CSNK1G3: variants seen among roughly 807,000 people sequenced by gnomAD.
CSNK1G3 encodes casein kinase 1 gamma 3, also known as casein kinase I isoform gamma-3.
Under a neutral mutation model 64.3 loss-of-function variants are expected in CSNK1G3, and 23 were observed. The ratio of observed to expected loss-of-function variants is 0.36; its 90% CI spans 0.26 to 0.51. CSNK1G3 has a LOEUF of 0.51. Ranked by LOEUF, CSNK1G3 falls within the 20% of genes least tolerant of loss-of-function variation. The pLI, the probability that CSNK1G3 is intolerant of heterozygous loss-of-function variation, is 0.96. For synonymous variants in CSNK1G3, 158 were observed against 162.2 expected (o/e 0.97, Z 0.20); for missense variants, 357 against 510.5 (o/e 0.70, Z 2.90).
At chr5:123,528,806 A>G (rs1040726922) in intron 1 of CSNK1G3, among the ~76,000 whole-genome samples, 1 of 152,138 alleles carries the variant, frequency 6.6e-6, no homozygotes. Context: ...CTCATTATTC[A>G]TAGATTCCAT....
At chr5:123,537,921 AG>A (rs1463747492) in intron 1 of CSNK1G3, among the ~76,000 whole-genome samples, 1 of 152,210 alleles carries the variant, frequency 6.6e-6, no homozygotes, top group African/African-American at 2.4e-5. Flanking sequence ...AAATATAACT[AG>A]AATCATGTAA....
chr5:123,538,015 G>A (rs116408625), intron 1 of CSNK1G3, among the ~76,000 whole-genome samples: 147 of 152,170 alleles, frequency 9.7e-4, no homozygotes, highest in Non-Finnish European at 1.4e-3. Flanking sequence ...TCAGCAGTTC[G>A]TTCCTTTTTA....
intron 11 of CSNK1G3, 22 bp from the exon 13 acceptor site, chr5:123,605,313 ATTTT>A: frequency 8.4e-7 from 1 of 1,195,728 alleles, no homozygotes; most frequent in Non-Finnish European, 1.2e-6. Context: ...TTTTCCTTGT[ATTTT>A]TTTTTTTGTG....
chr5:123,583,188 C>G (rs1790641659), intron 6 of CSNK1G3, among the ~76,000 whole-genome samples: 1 of 152,094 alleles, frequency 6.6e-6, no homozygotes, highest in Admixed American at 6.6e-5. Flanking sequence ...GCTCAGCATA[C>G]TTTTACATGT....
intron 1 of CSNK1G3, among the ~76,000 whole-genome samples, chr5:123,517,240 G>C (rs1257134817): frequency 1.3e-5 from 2 of 152,142 alleles, no homozygotes; most frequent in Non-Finnish European, 2.9e-5. Context: ...GCTGACTGAT[G>C]CTCATGCTAC....
At chr5:123,580,682 A>G (rs1024397245) in intron 6 of CSNK1G3, among the ~76,000 whole-genome samples, 3 of 151,932 alleles carry the variant, frequency 2.0e-5, no homozygotes, top group African/African-American at 7.2e-5. Context: ...GACTTTTGTT[A>G]GCTGCCCTGA....
intron 4 of CSNK1G3, among the ~76,000 whole-genome samples, chr5:123,572,754 A>G (rs1788373649): frequency 1.3e-5 from 2 of 152,168 alleles, no homozygotes; most frequent in Admixed American, 6.5e-5. Context: ...GCTGTTTCCA[A>G]TATCTCTGAC....
chr5:123,605,188 T>C (rs1258294183), intron 11 of CSNK1G3, 151 bp from the exon 13 acceptor site: 4 of 638,166 alleles, frequency 6.3e-6, no homozygotes, highest in Non-Finnish European at 1.0e-5. Context: ...TTTTAATATT[T>C]TGAATTAGTT....
chr5:123,588,257 A>G, intron 7 of CSNK1G3, 104 bp downstream of exon 7: 1 of 1,065,834 alleles, frequency 9.4e-7, no homozygotes, highest in Non-Finnish European at 1.4e-6. Context: ...TTATTTTGTA[A>G]GTAGGCATCA....
exon 13 of CSNK1G3, chr5:123,614,652 A>G (rs1161917117): frequency 2.8e-6 from 1 of 362,190 alleles, no homozygotes; most frequent in Non-Finnish European, 5.0e-6. Flanking sequence ...GGAATGGACC[A>G]ATGAGGTGGT....
chr5:123,521,659 T>G (rs1778133746), intron 1 of CSNK1G3, among the ~76,000 whole-genome samples: 1 of 152,206 alleles, frequency 6.6e-6, no homozygotes, highest in African/African-American at 2.4e-5. Context: ...AATTTCCAGT[T>G]GAAAATTAGT....
At chr5:123,568,903 G>A (rs925211885) in intron 4 of CSNK1G3, among the ~76,000 whole-genome samples, 1 of 152,094 alleles carries the variant, frequency 6.6e-6, no homozygotes, top group East Asian at 1.9e-4. Context: ...TAAACAGCAA[G>A]TAATAAGTCA....
intron 4 of CSNK1G3, among the ~76,000 whole-genome samples, chr5:123,560,815 G>C (rs976248582): frequency 6.6e-6 from 1 of 152,172 alleles, no homozygotes; most frequent in Non-Finnish European, 1.5e-5. Context: ...CTTGGGGAGA[G>C]GGCAGAAATG....
chr5:123,583,864 T>A (rs951687578), intron 6 of CSNK1G3, among the ~76,000 whole-genome samples: 8 of 151,392 alleles, frequency 5.3e-5, no homozygotes, highest in African/African-American at 7.3e-5. Context: ...TTAAAAAAAA[T>A]TTTTTTTTGT....
At chr5:123,564,503 G>T (rs1415282705) in intron 4 of CSNK1G3, among the ~76,000 whole-genome samples, 1 of 152,042 alleles carries the variant, frequency 6.6e-6, no homozygotes, top group Non-Finnish European at 1.5e-5. Context: ...ATTGTAAGAA[G>T]AAAAGATTTG....
intron 1 of CSNK1G3, among the ~76,000 whole-genome samples, chr5:123,542,671 G>A (rs1321715382): frequency 6.6e-6 from 1 of 152,050 alleles, no homozygotes; most frequent in East Asian, 1.9e-4. Context: ...AATAATTCTA[G>A]GTTGAAAGTT....
intron 5 of CSNK1G3, among the ~76,000 whole-genome samples, chr5:123,575,521 G>A (rs1314502969): frequency 6.6e-6 from 1 of 152,140 alleles, no homozygotes; most frequent in Non-Finnish European, 1.5e-5. Flanking sequence ...CTCTCGTTTA[G>A]CAGTGACCAT....
intron 6 of CSNK1G3, among the ~76,000 whole-genome samples, chr5:123,581,946 T>A (rs1790386965): frequency 1.3e-5 from 2 of 152,052 alleles, no homozygotes; most frequent in Non-Finnish European, 2.9e-5. Flanking sequence ...CTTGGCTTTG[T>A]CTTCTCATGT....
chr5:123,549,860 A>G (rs1308198199), intron 2 of CSNK1G3, among the ~76,000 whole-genome samples: 2 of 152,370 alleles, frequency 1.3e-5, no homozygotes, highest in South Asian at 2.1e-4. Flanking sequence ...ATGAATAACC[A>G]TACCTGAAAT....
Sources: allele counts gnomAD v4.1 joint callset (sites outside exome capture counted in the v4.1 genomes callset), GRCh38; gene constraint gnomAD v4.1.1; transcripts MANE v1.5; gene names NCBI Gene and HGNC (gene_info 2026-07-23, HGNC 2026-07-21).